The following VEGFC variants were observed in gnomAD, a reference collection of about 807,000 sequenced individuals.
VEGFC encodes vascular endothelial growth factor C.
Under a neutral mutation model 46.1 loss-of-function variants are expected in VEGFC, and 12 were observed. The observed-to-expected ratio is 0.26, with a 90% CI of 0.17 to 0.42. VEGFC has a LOEUF of 0.42. Ranked by LOEUF, VEGFC falls within the 10% of genes least tolerant of loss-of-function variation. The pLI is 1.00. For synonymous variants in VEGFC, 232 were observed against 195.5 expected (o/e 1.19, Z -1.56); for missense variants, 488 against 529.4 (o/e 0.92, Z 0.77).
chr4:176,774,781 C>T (rs561598092), intron 1 of VEGFC, among the ~76,000 whole-genome samples: 1 of 141,740 alleles, frequency 7.1e-6, no homozygotes, highest in South Asian at 2.3e-4. Context: ...GCACATTGTG[C>T]ACATGTACCC....
chr4:176,771,936 C>T (rs997878467), intron 1 of VEGFC, among the ~76,000 whole-genome samples: 14 of 152,140 alleles, frequency 9.2e-5, no homozygotes, highest in Admixed American at 8.5e-4. Flanking sequence ...TCATATGACA[C>T]TTGTGTGAAG....
chr4:176,750,881 AC>A (rs1735331472), intron 1 of VEGFC, among the ~76,000 whole-genome samples: 1 of 151,778 alleles, frequency 6.6e-6, no homozygotes, highest in Non-Finnish European at 1.5e-5. Context: ...AAATTTCTAT[AC>A]GTTTGAAAAC....
chr4:176,790,174 G>A (rs1326722153), intron 1 of VEGFC, among the ~76,000 whole-genome samples: 4 of 152,176 alleles, frequency 2.6e-5, no homozygotes, highest in African/African-American at 9.7e-5. Context: ...CACATGCCCT[G>A]TCAAGGCTCT....
intron 4 of VEGFC, among the ~76,000 whole-genome samples, chr4:176,703,541 A>C (rs1402419877): frequency 6.6e-6 from 1 of 152,096 alleles, no homozygotes; most frequent in Non-Finnish European, 1.5e-5. Context: ...TATATAGAAG[A>C]AACAAGTTCT....
chr4:176,710,372 A>G (rs1305158341), intron 4 of VEGFC, among the ~76,000 whole-genome samples: 1 of 152,140 alleles, frequency 6.6e-6, no homozygotes, highest in Non-Finnish European at 1.5e-5. Flanking sequence ...TGCTTGTATT[A>G]GCATACATTT....
chr4:176,728,112 T>TCC (rs1010479810), intron 2 of VEGFC, 144 bp from the exon 3 acceptor site: 1 of 574,122 alleles, frequency 1.7e-6, no homozygotes, highest in Non-Finnish European at 2.9e-6. Flanking sequence ...GATGGGATCC[T>TCC]AAATTGACTT....
intron 1 of VEGFC, among the ~76,000 whole-genome samples, chr4:176,730,291 A>G (rs2111019070): frequency 6.6e-6 from 1 of 152,278 alleles, no homozygotes; most frequent in South Asian, 2.1e-4. Flanking sequence ...ATCTCTCAAT[A>G]TTTAAAAGAA....
At chr4:176,693,090 A>G (rs1025887491) in intron 4 of VEGFC, among the ~76,000 whole-genome samples, 9 of 152,214 alleles carry the variant, frequency 5.9e-5, no homozygotes, top group African/African-American at 7.2e-5. Context: ...CCAAAGAAAC[A>G]CAGTTCCTTA....
intron 3 of VEGFC, among the ~76,000 whole-genome samples, chr4:176,715,841 C>T (rs1734690426): frequency 6.6e-6 from 1 of 152,072 alleles, no homozygotes; most frequent in Admixed American, 6.6e-5. Context: ...AAATACATAA[C>T]ATTTTCAAAT....
At chr4:176,775,039 T>C (rs1433405960) in intron 1 of VEGFC, among the ~76,000 whole-genome samples, 1 of 152,186 alleles carries the variant, frequency 6.6e-6, no homozygotes, top group East Asian at 1.9e-4. Context: ...CAGATAATAC[T>C]GACTCACAGG....
At chr4:176,696,651 A>G (rs1386792703) in intron 4 of VEGFC, among the ~76,000 whole-genome samples, 3 of 151,546 alleles carry the variant, frequency 2.0e-5, no homozygotes, top group Admixed American at 6.6e-5. Flanking sequence ...GTTCATATGG[A>G]ACCAAAAAAG....
At chr4:176,721,546 C>A (rs1194242049) in intron 3 of VEGFC, among the ~76,000 whole-genome samples, 1 of 152,154 alleles carries the variant, frequency 6.6e-6, no homozygotes, top group African/African-American at 2.4e-5. Context: ...TAAATGTGAC[C>A]TAGATCAGAG....
At chr4:176,690,771 T>C (rs962587013) in intron 4 of VEGFC, among the ~76,000 whole-genome samples, 4 of 152,224 alleles carry the variant, frequency 2.6e-5, no homozygotes, top group African/African-American at 4.8e-5. Flanking sequence ...AAAAACATTT[T>C]GGTTATGTCG....
intron 1 of VEGFC, among the ~76,000 whole-genome samples, chr4:176,774,833 A>G (rs530604307): frequency 5.9e-5 from 9 of 152,172 alleles, no homozygotes; most frequent in Admixed American, 4.6e-4. Context: ...AGAATGCAAA[A>G]AAAAAAAAAG....
At chr4:176,791,902 C>G (rs1172081107) in intron 1 of VEGFC, among the ~76,000 whole-genome samples, 1 of 152,172 alleles carries the variant, frequency 6.6e-6, no homozygotes, top group Non-Finnish European at 1.5e-5. Context: ...CAGAGGAAAC[C>G]AGTCTGAAAT....
At position 176,792,303 on chromosome 4, in the gene VEGFC, C is replaced by T; in HGVS notation, c.9G>A (p.Leu3=). The T allele has an allele frequency of 1.3e-6, 2 of 1,514,860 alleles. No homozygotes were observed. The highest frequency in any genetic ancestry group is 1.8e-6 in the Non-Finnish European group (2 of 1,132,540). The allele number at this position is 1,514,860 out of a possible 1,614,324, so 93.8% of individuals were successfully genotyped here. A position where few individuals can be genotyped will look rare whatever the true frequency, so the allele number is the denominator to read the frequency against. Reference sequence around the variant, plus strand: ...AACACGCCACAGAGAAGAAGCCCAGCAAGTGCATGGTGGAAGGACCGGGGG... The same window carrying T: ...AACACGCCACAGAGAAGAAGCCCAGTAAGTGCATGGTGGAAGGACCGGGGG... The part of the protein sequence containing the change: MH[L]LGFFSVACSL... The change falls in exon 1 of 7, where the codon TTG becomes TTA. Residue 3 remains leucine (L), a synonymous_variant. Transcript: ENST00000618562. The surrounding 1 kb of genome is among the most constrained non-coding windows in gnomAD (Gnocchi z 6.3).
chr4:176,689,289 G>T (rs1253972419), intron 4 of VEGFC: 2 of 152,278 alleles, frequency 1.3e-5, no homozygotes, highest in Admixed American at 6.5e-5. Flanking sequence ...AGAAAGTTTT[G>T]CAGACATACT....
At chr4:176,704,992 T>C (rs1006478316) in intron 4 of VEGFC, among the ~76,000 whole-genome samples, 9 of 152,164 alleles carry the variant, frequency 5.9e-5, no homozygotes, top group African/African-American at 2.2e-4. Context: ...CTTATTAGTA[T>C]CTAGCAGAAA....
chr4:176,692,387 C>A (rs1403266737), intron 4 of VEGFC, among the ~76,000 whole-genome samples: 1 of 133,756 alleles, frequency 7.5e-6, no homozygotes, highest in Admixed American at 7.2e-5. Context: ...GAGCGAGACT[C>A]CGTCTCAAAA....
Sources: gnomAD v4.1 joint callset for allele counts (sites outside exome capture counted in the v4.1 genomes callset) on GRCh38, gnomAD v4.1.1 for gene constraint, Gnocchi (gnomAD v3.1) non-coding constraint, MANE v1.5 for transcripts, NCBI Gene and HGNC (gene_info 2026-07-23, HGNC 2026-07-21) for gene names.